Variants in PRDM16 observed in about 807,000 individuals in gnomAD.
PRDM16 encodes PR/SET domain 16.
In PRDM16, 23 loss-of-function variants were observed where a neutral mutation model predicts 110.6. The observed-to-expected ratio is 0.21, with a 90% confidence interval of 0.15 to 0.29. The LOEUF (loss-of-function observed/expected upper bound fraction) is 0.29. PRDM16 is among the 10% of genes least tolerant of loss of function. PRDM16 has a pLI of 1.00. For missense variants in PRDM16, 1,615 were observed against 1,794.3 expected (o/e 0.90, Z 1.81); for synonymous variants, 799 against 781.8 (o/e 1.02, Z -0.37).
intron 1 of PRDM16, among the ~76,000 whole-genome samples, chr1:3,115,502 G>A (rs1011815552): frequency 6.6e-6 from 1 of 152,230 alleles, no homozygotes; most frequent in African/African-American, 2.4e-5. Context: ...ATTCCATCAG[G>A]CAGTGGAGCG....
chr1:3,276,953 G>A (rs562368177), intron 3 of PRDM16, among the ~76,000 whole-genome samples: 56 of 152,084 alleles, frequency 3.7e-4, no homozygotes, highest in Admixed American at 1.1e-3. Context: ...CCCGGGCAGC[G>A]TCTGCCTCTC....
chr1:3,240,647 A>T (rs4648374), intron 2 of PRDM16, among the ~76,000 whole-genome samples: 4,243 of 152,236 alleles, frequency 0.028, 309 homozygotes, highest in East Asian at 0.23. Context: ...TACTTTAATA[A>T]CAGATAATTT....
Position 3,437,166 on chromosome 1 carries a change from G to C in PRDM16, c.*3355G>C, listed in dbSNP as rs1569805761. The C allele has an allele frequency of 1.3e-5, 3 of 231,532 alleles. No homozygotes were observed. The East Asian group carries it at 1.8e-4, about 14-fold the overall frequency. The allele number at this position is 231,532 out of a possible 1,614,324, so 14.3% of individuals were successfully genotyped here. ...TGGAGCAGTGGCTGGGGTGGGCGTG[G>C]TGTGGCCTGAGAGACTGCCCAGCTG... On this transcript the variant is annotated 3_prime_UTR_variant, in exon 17 of 17. Transcript: ENST00000270722.
intron 2 of PRDM16, among the ~76,000 whole-genome samples, chr1:3,202,717 TCA>T (rs1638661187): frequency 6.6e-6 from 1 of 152,192 alleles, no homozygotes; most frequent in Admixed American, 6.5e-5. Context: ...GATGCCTGCA[TCA>T]CAGAGCCGGG....
chr1:3,183,287 G>C (rs1004803976), intron 1 of PRDM16, among the ~76,000 whole-genome samples: 3 of 152,240 alleles, frequency 2.0e-5, no homozygotes, highest in Admixed American at 2.0e-4. Context: ...ATCCTGGCCG[G>C]AGCTCAGGGT....
At chr1:3,154,578 C>T (rs1310744539) in intron 1 of PRDM16, among the ~76,000 whole-genome samples, 1 of 152,186 alleles carries the variant, frequency 6.6e-6, no homozygotes, top group Non-Finnish European at 1.5e-5. Context: ...TTTCCCTTGG[C>T]CCCCATGGCC....
intron 3 of PRDM16, among the ~76,000 whole-genome samples, chr1:3,304,749 T>G (rs958228737): frequency 2.3e-5 from 3 of 132,454 alleles, no homozygotes; most frequent in Non-Finnish European, 4.6e-5. Context: ...CTTCGCTCCC[T>G]GCAGGGGCCA....
At chr1:3,327,765 CAA>C (rs1480877050) in intron 3 of PRDM16, among the ~76,000 whole-genome samples, 1 of 152,198 alleles carries the variant, frequency 6.6e-6, no homozygotes, top group African/African-American at 2.4e-5. Context: ...GGGGAGACCT[CAA>C]GAGATTCACA....
At chr1:3,154,356 A>G (rs1394551041) in intron 1 of PRDM16, among the ~76,000 whole-genome samples, 3 of 152,134 alleles carry the variant, frequency 2.0e-5, no homozygotes, top group Non-Finnish European at 4.4e-5. Flanking sequence ...ACAGGAGGCG[A>G]CGGAGCTGCC....
chr1:3,242,810 C>T (rs1298134954), intron 2 of PRDM16, among the ~76,000 whole-genome samples: 1 of 152,174 alleles, frequency 6.6e-6, no homozygotes, highest in Non-Finnish European at 1.5e-5. Context: ...TTGGCTTGAG[C>T]ATCATTTTCT....
intron 1 of PRDM16, among the ~76,000 whole-genome samples, chr1:3,118,137 A>G (rs1224315857): frequency 1.3e-5 from 2 of 149,746 alleles, no homozygotes; most frequent in East Asian, 2.1e-4. Flanking sequence ...GCGTGTGTAC[A>G]TGCATGTGTG....
rs188192074 is a variant in PRDM16, at chr1:3,295,327, G to A, written c.438+51190G>A. On this transcript the variant is annotated intron_variant, in intron 3 of 16. Transcript: ENST00000270722. Reference sequence around the variant, plus strand: ...GAGGGTGCAGCTCATCTGAGAATAGGTAGGAAGGTGCCAGTGCTGGGAGGG... The same window carrying A: ...GAGGGTGCAGCTCATCTGAGAATAGATAGGAAGGTGCCAGTGCTGGGAGGG... Among the ~76,000 whole-genome samples, 636 of 152,268 alleles carry A rather than the reference G, an allele frequency of 4.2e-3. 6 individuals are homozygous for A. The highest frequency in any genetic ancestry group is 0.014 in the African/African-American group (602 of 41,550).
intron 3 of PRDM16, among the ~76,000 whole-genome samples, chr1:3,250,845 T>C (rs373815187): frequency 6.6e-6 from 1 of 152,236 alleles, no homozygotes; most frequent in African/African-American, 2.4e-5. Context: ...TGAAGCGTCC[T>C]GGGAAGCCTG....
intron 3 of PRDM16, among the ~76,000 whole-genome samples, chr1:3,292,370 G>C (rs570110903): frequency 6.6e-6 from 1 of 152,292 alleles, no homozygotes; most frequent in African/African-American, 2.4e-5. Flanking sequence ...AGTGGTGTCC[G>C]GCTCTGTCCC....
At chr1:3,192,782 A>G (rs986217925) in intron 2 of PRDM16, among the ~76,000 whole-genome samples, 1 of 152,136 alleles carries the variant, frequency 6.6e-6, no homozygotes, top group Non-Finnish European at 1.5e-5. Context: ...CAAACAGGAA[A>G]CCAAGATCAA....
chr1:3,329,402 T>G (rs1161009784), intron 3 of PRDM16, among the ~76,000 whole-genome samples: 1 of 152,024 alleles, frequency 6.6e-6, no homozygotes, highest in Non-Finnish European at 1.5e-5. Flanking sequence ...GCTATCCAGT[T>G]TTGCAGGAAT....
chr1:3,397,540 G>C lies in PRDM16; in HGVS notation c.676+947G>C, dbSNP rs114304601. 8.0e-3 allele frequency among the ~76,000 whole-genome samples: 1,222 copies of C among 152,384 alleles called. 11 individuals are homozygous for C. The highest frequency in any genetic ancestry group is 0.028 in the African/African-American group (1,158 of 41,594). On this transcript the variant is annotated intron_variant, in intron 5 of 16. Transcript: ENST00000270722. ...TGGGCAGTGAGGCCCTGGCCCGTCG[G>C]CTCCACGCCGGTCCCTCTGAGCAGA...
chr1:3,347,309 CAGGCCCAGGGAGGGCG>C (rs1295876434), intron 3 of PRDM16, among the ~76,000 whole-genome samples: 1 of 152,258 alleles, frequency 6.6e-6, no homozygotes, highest in Non-Finnish European at 1.5e-5. Flanking sequence ...AAGGAGAAAC[CAGGCCCAGGGAGGGCG>C]AGACTCTCAG....
chr1:3,106,996 G>A (rs1642674139), intron 1 of PRDM16, among the ~76,000 whole-genome samples: 1 of 152,234 alleles, frequency 6.6e-6, no homozygotes, highest in South Asian at 2.1e-4. Context: ...CAGAGGCCAG[G>A]ATGGCAGCAT....
Sources: gnomAD v4.1 joint callset for allele counts (sites outside exome capture counted in the v4.1 genomes callset) on GRCh38, gnomAD v4.1.1 for gene constraint, MANE v1.5 for transcripts, NCBI Gene and HGNC (gene_info 2026-07-23, HGNC 2026-07-21) for gene names.